The following FRMD5 variants were observed in gnomAD, a reference collection of about 807,000 sequenced individuals.
FRMD5 encodes FERM domain containing 5.
A neutral mutation model predicts 69.0 loss-of-function variants in FRMD5; 20 were observed. The observed-to-expected ratio is 0.29, with a 90% CI of 0.20 to 0.42. The LOEUF (loss-of-function observed/expected upper bound fraction) is 0.42, where lower values mean the gene tolerates loss of function less well. Ranked by LOEUF, FRMD5 falls within the 10% of genes least tolerant of loss-of-function variation. The pLI, the probability that FRMD5 is intolerant of heterozygous loss-of-function variation, is 1.00. For missense variants in FRMD5, 595 were observed against 708.6 expected (o/e 0.84, Z 1.82); for synonymous variants, 271 against 260.1 (o/e 1.04, Z -0.40).
chr15:44,147,746 G>A (rs1317259788), intron 1 of FRMD5, among the ~76,000 whole-genome samples: 1 of 152,058 alleles, frequency 6.6e-6, no homozygotes, highest in African/African-American at 2.4e-5. Flanking sequence ...TCTACTGAAG[G>A]CTTCCAACTT....
intron 1 of FRMD5, among the ~76,000 whole-genome samples, chr15:44,042,653 C>T (rs920577268): frequency 1.3e-5 from 2 of 152,170 alleles, no homozygotes; most frequent in Admixed American, 6.5e-5. Context: ...TAATCCATCA[C>T]ATAAACAGAA....
At chr15:44,156,971 G>GT (rs2077538947) in intron 1 of FRMD5, among the ~76,000 whole-genome samples, 3 of 152,086 alleles carry the variant, frequency 2.0e-5, no homozygotes, top group Admixed American at 2.0e-4. Flanking sequence ...GTTAACAGTA[G>GT]TTTTTCTGAA....
intron 1 of FRMD5, among the ~76,000 whole-genome samples, chr15:43,990,395 T>A (rs1326856163): frequency 2.0e-5 from 3 of 152,196 alleles, no homozygotes; most frequent in Admixed American, 6.5e-5. Context: ...ATAAATAAAA[T>A]TTCTTTTCTC....
chr15:43,921,454 G>A (rs2089492309), intron 2 of FRMD5, among the ~76,000 whole-genome samples: 1 of 152,212 alleles, frequency 6.6e-6, no homozygotes, highest in African/African-American at 2.4e-5. Flanking sequence ...ATTGTAGTGA[G>A]AGCTCAAGAA....
intron 1 of FRMD5, among the ~76,000 whole-genome samples, chr15:44,010,983 C>T (rs984237467): frequency 6.6e-6 from 1 of 151,886 alleles, no homozygotes; most frequent in Non-Finnish European, 1.5e-5. Flanking sequence ...ATCTCTAATA[C>T]TAGAGATAAA....
intron 1 of FRMD5, among the ~76,000 whole-genome samples, chr15:44,031,194 G>A (rs999565945): frequency 6.6e-6 from 1 of 152,040 alleles, no homozygotes; most frequent in Non-Finnish European, 1.5e-5. Context: ...GATGAAGGTT[G>A]AAGTCCTTGA....
intron 1 of FRMD5, among the ~76,000 whole-genome samples, chr15:43,972,213 G>A (rs887252682): frequency 6.6e-6 from 1 of 151,768 alleles, no homozygotes; most frequent in Non-Finnish European, 1.5e-5. Context: ...CATAGAGCAT[G>A]GAAGACCAAC....
intron 1 of FRMD5, among the ~76,000 whole-genome samples, chr15:44,032,697 A>T (rs1411659152): frequency 6.6e-6 from 1 of 152,216 alleles, no homozygotes; most frequent in Admixed American, 6.5e-5. Flanking sequence ...AAAAGTCAAA[A>T]TATAACAGAT....
chr15:44,007,637 A>ATTTTTTTTTTTTTTTTTTTTT (rs35512441), intron 1 of FRMD5, among the ~76,000 whole-genome samples: 4 of 81,144 alleles, frequency 4.9e-5, no homozygotes, highest in Non-Finnish European at 8.7e-5. Flanking sequence ...TAATTAACTA[A>ATTTTTTTTTTTTTTTTTTTTT]TTTTTTTTTT....
intron 1 of FRMD5, among the ~76,000 whole-genome samples, chr15:44,020,804 T>C (rs1169006094): frequency 6.6e-6 from 1 of 152,180 alleles, no homozygotes; most frequent in Non-Finnish European, 1.5e-5. Context: ...GTTTGTTGAT[T>C]TCAGTGGTGT....
intron 13 of FRMD5, among the ~76,000 whole-genome samples, chr15:43,883,380 G>A (rs2088583435): frequency 6.6e-6 from 1 of 152,150 alleles, no homozygotes; most frequent in South Asian, 2.1e-4. Flanking sequence ...TTACAGGTGT[G>A]AGCCACCGCA....
At chr15:44,188,744 T>C (rs1174174914) in intron 1 of FRMD5, among the ~76,000 whole-genome samples, 2 of 152,110 alleles carry the variant, frequency 1.3e-5, no homozygotes, top group Non-Finnish European at 2.9e-5. Flanking sequence ...GTAAAATGAC[T>C]CAAATGAGGC....
In FRMD5 at chr15:43,888,183, G is replaced by A; in HGVS notation, c.876C>T (p.Ala292=). The stretch of plus-strand genomic sequence containing the variant: ...CACATGTATCCACTCACTTGTAGAA[G>A]GCTTGGTTCTCGATTCCACATTTCC... The part of the protein sequence containing the change: ...HLWKCGIENQ[A]FYKLEKSSQV... Residue 292 remains alanine, a synonymous_variant, in exon 10 of 14, where the codon GCC becomes GCT. Coordinates refer to ENST00000417257, the MANE Select transcript of FRMD5 (RefSeq NM_032892.5). The A allele has an allele frequency of 1.2e-6, 2 of 1,611,228 alleles. No homozygotes were observed. Among genetic ancestry groups the A allele is most frequent in the South Asian group, 1.1e-5 (1 of 91,028 alleles).
At chr15:43,880,476 G>A (rs2088494148) in intron 13 of FRMD5, among the ~76,000 whole-genome samples, 1 of 152,144 alleles carries the variant, frequency 6.6e-6, no homozygotes, top group Non-Finnish European at 1.5e-5. Context: ...CTCGCCTCCT[G>A]GAAACTAACC....
At chr15:44,081,543 A>G (rs1893995271) in intron 1 of FRMD5, among the ~76,000 whole-genome samples, 1 of 152,068 alleles carries the variant, frequency 6.6e-6, no homozygotes, top group Non-Finnish European at 1.5e-5. Flanking sequence ...ACAAAAATGA[A>G]CTATGGTCCA....
chr15:43,939,712 C>T (rs2140484534), intron 1 of FRMD5, among the ~76,000 whole-genome samples: 1 of 152,232 alleles, frequency 6.6e-6, no homozygotes, highest in African/African-American at 2.4e-5. Flanking sequence ...TATGTGCCAA[C>T]AGGCCCAGCT....
intron 5 of FRMD5, among the ~76,000 whole-genome samples, chr15:43,909,376 G>C (rs148527528): frequency 1.2e-3 from 187 of 150,020 alleles, no homozygotes; most frequent in African/African-American, 4.4e-3. Flanking sequence ...CTCCAGACTA[G>C]GCCACAAAGC....
At chr15:44,180,273 A>T (rs1468299403) in intron 1 of FRMD5, among the ~76,000 whole-genome samples, 2 of 152,156 alleles carry the variant, frequency 1.3e-5, no homozygotes, top group Admixed American at 6.5e-5. Context: ...AGCACTTAGC[A>T]CAGAGCCTGG....
chr15:43,874,066 A>C lies in FRMD5; in HGVS notation c.1532T>G (p.Leu511Arg). 1.9e-6 allele frequency: 3 copies of C among 1,614,250 alleles called. No individual in the cohort carries two copies. The South Asian group carries it at 3.3e-5, about 18-fold the overall frequency. ...CAGGAGGAGGAGCAAAACAAAGAGG[A>C]GTCCCATGGTCACAAGGAGCAAACG... is the stretch of plus-strand genomic sequence containing the variant. ...VLRLLLVTMG[L>R]LFVLLLLLII... Residue 511 changes from leucine to arginine, a missense_variant, in exon 14 of 14, where the codon CTC (leucine) becomes CGC (arginine). Leu to Arg is a moderately radical substitution (Grantham distance 102, BLOSUM62 -2). This residue lies in a region of FRMD5 where 245 missense variants were observed against 227.1 expected (regional missense o/e 1.08). Coordinates refer to ENST00000417257, the MANE Select transcript of FRMD5 (RefSeq NM_032892.5).
Sources: allele counts gnomAD v4.1 joint callset (sites outside exome capture counted in the v4.1 genomes callset), GRCh38; gene constraint gnomAD v4.1.1; regional missense constraint gnomAD v4.1.1; transcripts MANE v1.5; gene names NCBI Gene and HGNC (gene_info 2026-07-23, HGNC 2026-07-21).